DLEC1: variants seen among roughly 807,000 people sequenced by gnomAD.
The protein encoded by DLEC1 is DLEC1 cilia and flagella associated protein.
A neutral mutation model predicts 198.1 loss-of-function variants in DLEC1; 146 were observed. That is an observed-to-expected ratio of 0.74 (90% CI 0.64 to 0.85). DLEC1 has a LOEUF of 0.85. DLEC1 is among the 40% of genes least tolerant of loss of function. DLEC1 has a pLI of 0.00. For missense variants in DLEC1, 2,233 were observed against 2,220.0 expected (o/e 1.01, Z -0.12); for synonymous variants, 897 against 866.8 (o/e 1.03, Z -0.61).
chr3:38,084,461 AATAGTAGTGGTG>A (rs1559430346), intron 7 of DLEC1, among the ~76,000 whole-genome samples: 2 of 412 alleles, frequency 4.9e-3, no homozygotes, highest in Admixed American at 0.021. Context: ...TGGTAGTAGT[AATAGTAGTGGTG>A]GTGGTGGTAG....
At chr3:38,099,195 G>C (rs1170154309) in intron 18 of DLEC1, among the ~76,000 whole-genome samples, 1 of 152,150 alleles carries the variant, frequency 6.6e-6, no homozygotes, top group Admixed American at 6.5e-5. Flanking sequence ...TGCACTTCTA[G>C]GGATTTCCTG....
chr3:38,051,780 CA>C (rs1301500690), intron 2 of DLEC1: 3 of 156,966 alleles, frequency 1.9e-5, no homozygotes, highest in Non-Finnish European at 4.4e-5. Flanking sequence ...GTGGTTACAA[CA>C]GAACACTGCT....
At chr3:38,065,328 C>A (rs188363169) in intron 6 of DLEC1, among the ~76,000 whole-genome samples, 1 of 147,594 alleles carries the variant, frequency 6.8e-6, no homozygotes, top group Non-Finnish European at 1.5e-5. Flanking sequence ...GGAGACCGTG[C>A]AGAGGGAGAG....
At chr3:38,084,022 G>T in intron 6 of DLEC1, 136 bp from the exon 7 acceptor site, 2 of 728,896 alleles carry the variant, frequency 2.7e-6, no homozygotes, top group South Asian at 1.7e-5. Context: ...AGCCAGCTTC[G>T]ACAGTTACCA....
rs1427759117 is a variant in DLEC1, at chr3:38,116,807, C to T, written c.4097C>T (p.Ala1366Val). Residue 1366 changes from alanine to valine, a missense_variant, in exon 29 of 37, where the codon GCA becomes GTA. Physicochemically the swap from Ala to Val is moderately conservative, Grantham distance 64 (BLOSUM62 0). Coordinates refer to ENST00000308059, the MANE Select transcript of DLEC1 (RefSeq NM_007335.4). ...AGCTCCAGTGCCAGCAATAGGGTGG[C>T]ACAGAAGCTCATCTCAGTCATCCTG... ...EGSSSASNRV[A>V]QKLISVILQA... is the part of the protein sequence containing the mutation. 1.9e-6 allele frequency: 3 copies of T among 1,613,778 alleles called. No homozygotes were observed. Among genetic ancestry groups the T allele is most frequent in the Non-Finnish European group, 2.5e-6 (3 of 1,179,858 alleles).
At position 38,112,489 on chromosome 3, in the gene DLEC1, C is replaced by T. The variant is rs2125730703; in HGVS notation, c.3666+128C>T. The T allele has an allele frequency of 7.2e-7, 1 of 1,392,476 alleles. No homozygotes were observed. 86.3% of individuals were successfully genotyped at this position (1,392,476 alleles called of 1,614,324 possible). A position where few individuals can be genotyped will look rare whatever the true frequency, so the allele number is the denominator to read the frequency against. ...CCTCACCAGGTTGAAACGCGATGCCCACCGAGCTTGGGATGGGCATTCGTG... is the reference window on the plus strand; with the variant it reads ...CCTCACCAGGTTGAAACGCGATGCCTACCGAGCTTGGGATGGGCATTCGTG... On this transcript the variant is annotated intron_variant, in intron 25 of 36. Coordinates refer to ENST00000308059, the MANE Select transcript of DLEC1 (RefSeq NM_007335.4). This position sits in a 1 kb window ranked among gnomAD's most constrained non-coding sequence, Gnocchi z 4.8.
At chr3:38,082,462 G>C (rs970345908) in intron 6 of DLEC1, among the ~76,000 whole-genome samples, 1 of 152,024 alleles carries the variant, frequency 6.6e-6, no homozygotes, top group Non-Finnish European at 1.5e-5. Context: ...CCTTGCCCTC[G>C]GGCCCCGCGG....
intron 8 of DLEC1, 33 bp downstream of exon 8, chr3:38,085,480 G>T (rs1298971978): frequency 6.2e-7 from 1 of 1,610,578 alleles, no homozygotes; most frequent in South Asian, 1.1e-5. Flanking sequence ...CACAGATTCA[G>T]TTAAGGTTGG....
chr3:38,121,114 G>A (rs748963755), intron 34 of DLEC1, among the ~76,000 whole-genome samples: 2 of 152,204 alleles, frequency 1.3e-5, no homozygotes, highest in African/African-American at 2.4e-5. Context: ...AGAGAGGCCG[G>A]GGGCAGGAGG....
In DLEC1 at chr3:38,123,227, C is replaced by T; in HGVS notation, c.*815C>T. 1 of 1,115,412 alleles carries T rather than the reference C, an allele frequency of 9.0e-7. No homozygotes were observed. The highest frequency in any genetic ancestry group is 1.3e-5 in the South Asian group (1 of 78,560). 69.1% of individuals were successfully genotyped at this position (1,115,412 alleles called of 1,614,324 possible). On this transcript the variant is annotated 3_prime_UTR_variant, in exon 37 of 37. Transcript: ENST00000308059. ...ATGGACAAGTAGGATGCAAAACCAT[C>T]AGACCAGATCTGTGGGCAAGCGGTA...
intron 1 of DLEC1, among the ~76,000 whole-genome samples, chr3:38,041,916 C>T (rs944252488): frequency 1.3e-5 from 2 of 150,584 alleles, no homozygotes; most frequent in Admixed American, 6.6e-5. Context: ...ATGGTATATT[C>T]ACACTATGGA....
intron 33 of DLEC1, among the ~76,000 whole-genome samples, chr3:38,118,446 G>GT: frequency 6.6e-6 from 1 of 152,296 alleles, no homozygotes; most frequent in East Asian, 1.9e-4. Context: ...TGCCATAATT[G>GT]TAAGACACTC....
intron 1 of DLEC1, among the ~76,000 whole-genome samples, chr3:38,042,577 A>G (rs1450028658): frequency 9.4e-6 from 1 of 106,640 alleles, no homozygotes; most frequent in African/African-American, 3.6e-5. Context: ...TTTTTTTGAG[A>G]CAGAGTCTTG....
chr3:38,121,471 G>A (rs571400752), intron 34 of DLEC1, among the ~76,000 whole-genome samples, 157 bp from the exon 35 acceptor site: 1 of 152,330 alleles, frequency 6.6e-6, no homozygotes, highest in South Asian at 2.1e-4. Flanking sequence ...GTAGCAGCCT[G>A]TGGCCTTTTA....
At chr3:38,059,923 T>C in intron 3 of DLEC1, 71 bp downstream of exon 3, 1 of 1,240,702 alleles carries the variant, frequency 8.1e-7, no homozygotes, top group Non-Finnish European at 1.1e-6. Context: ...GTTGGCCACC[T>C]CTGCTGCCAT....
intron 6 of DLEC1, among the ~76,000 whole-genome samples, chr3:38,072,157 T>A (rs1170779405): frequency 1.3e-5 from 2 of 152,090 alleles, no homozygotes; most frequent in Non-Finnish European, 2.9e-5. Flanking sequence ...TCTGGAATAA[T>A]GTGGGAGGCC....
chr3:38,075,486 G>A lies in DLEC1; in HGVS notation c.1174-8672G>A, dbSNP rs539002526. Reference sequence around the variant, plus strand: ...CTTGAGAACACAGGCTAAGGGAGAAGAAGGAGGAATGGAGGGTGGAAGGTT... The same window carrying A: ...CTTGAGAACACAGGCTAAGGGAGAAAAAGGAGGAATGGAGGGTGGAAGGTT... On this transcript the variant is annotated intron_variant, in intron 6 of 36. Coordinates refer to ENST00000308059, the MANE Select transcript of DLEC1 (RefSeq NM_007335.4). 3.9e-3 allele frequency among the ~76,000 whole-genome samples: 589 copies of A among 152,154 alleles called. 8 individuals are homozygous for A. Among genetic ancestry groups the A allele is most frequent in the African/African-American group, 0.014 (573 of 41,498 alleles).
intron 34 of DLEC1, among the ~76,000 whole-genome samples, 191 bp from the exon 35 acceptor site, chr3:38,121,437 G>GCCCTTT (rs1700454930): frequency 6.6e-6 from 1 of 152,182 alleles, no homozygotes; most frequent in South Asian, 2.1e-4. Context: ...CATCACCCTG[G>GCCCTTT]CCCTTTCCCT....
In DLEC1 at chr3:38,062,680, C is replaced by G. The variant is rs1696756738; in HGVS notation, c.973C>G (p.His325Asp). Residue 325 changes from histidine to aspartate, a missense_variant, in exon 5 of 37, where the codon CAC (histidine) becomes GAC (aspartate). His to Asp is a moderately conservative substitution (Grantham distance 81). Coordinates refer to ENST00000308059, the MANE Select transcript of DLEC1 (RefSeq NM_007335.4). ...LLLARMESRN[H>D]FLKNPRFFPP... is the part of the protein sequence containing the mutation. ...GCTTGCCAGAATGGAGAGTCGGAACCACTTCCTAAAAAATCCCCGTTTTTT... is the reference window on the plus strand; with the variant it reads ...GCTTGCCAGAATGGAGAGTCGGAACGACTTCCTAAAAAATCCCCGTTTTTT... The G allele has an allele frequency of 6.2e-7, 1 of 1,614,060 alleles. No homozygotes were observed. The highest frequency in any genetic ancestry group is 1.3e-5 in the African/African-American group (1 of 74,988).
Sources: allele counts gnomAD v4.1 joint callset (sites outside exome capture counted in the v4.1 genomes callset), GRCh38; gene constraint gnomAD v4.1.1; non-coding constraint Gnocchi (gnomAD v3.1); transcripts MANE v1.5; gene names NCBI Gene and HGNC (gene_info 2026-07-23, HGNC 2026-07-21).